GLI2: variants seen among roughly 807,000 people sequenced by gnomAD.
The protein encoded by GLI2 is transcription activator GLI2.
A neutral mutation model predicts 78.9 loss-of-function variants in GLI2; 22 were observed. The ratio of observed to expected loss-of-function variants is 0.28; its 90% CI spans 0.20 to 0.40. The LOEUF is 0.40. Among genes scored for constraint, GLI2 ranks in the 10% least tolerant of loss-of-function variants. GLI2 has a pLI of 1.00. For missense variants in GLI2, 2,097 were observed against 2,213.2 expected (o/e 0.95, Z 1.05); for synonymous variants, 974 against 963.7 (o/e 1.01, Z -0.20).
chr2:120,808,956 C>T (rs1475934729), intron 2 of GLI2, among the ~76,000 whole-genome samples: 1 of 152,180 alleles, frequency 6.6e-6, no homozygotes, highest in African/African-American at 2.4e-5. Flanking sequence ...TGCCTGGCCC[C>T]CTGGGTTTTC....
chr2:120,746,434 T>C (rs1394577978), intron 1 of GLI2, among the ~76,000 whole-genome samples: 3 of 152,186 alleles, frequency 2.0e-5, no homozygotes, highest in Admixed American at 6.5e-5. Flanking sequence ...GTAGAAGGCC[T>C]AAGAGAGGCC....
intron 2 of GLI2, among the ~76,000 whole-genome samples, chr2:120,821,222 C>G (rs189136824): frequency 6.6e-6 from 1 of 152,130 alleles, no homozygotes; most frequent in East Asian, 1.9e-4. Flanking sequence ...GGTGCAGATG[C>G]GCCAGGAGGG....
chr2:120,918,475 C>G (rs1375819019), intron 2 of GLI2, among the ~76,000 whole-genome samples: 1 of 145,126 alleles, frequency 6.9e-6, no homozygotes, highest in East Asian at 2.0e-4. Context: ...GAGCCTCTCT[C>G]TGTCTCCCAG....
intron 2 of GLI2, among the ~76,000 whole-genome samples, chr2:120,823,619 T>C (rs555700267): frequency 6.6e-6 from 1 of 152,306 alleles, no homozygotes; most frequent in East Asian, 1.9e-4. Context: ...TGGGGACATC[T>C]ATGGAATGCC....
At chr2:120,809,713 G>C (rs906279099) in intron 2 of GLI2, among the ~76,000 whole-genome samples, 1 of 152,146 alleles carries the variant, frequency 6.6e-6, no homozygotes, top group African/African-American at 2.4e-5. Context: ...TGCTTCCCCT[G>C]GCCAATGAGC....
At chr2:120,857,766 C>A (rs891636630) in intron 2 of GLI2, among the ~76,000 whole-genome samples, 3 of 148,030 alleles carry the variant, frequency 2.0e-5, no homozygotes, top group African/African-American at 7.4e-5. Context: ...GGGGATCAAC[C>A]CCCCCACCCC....
At chr2:120,809,962 G>A (rs1003778904) in intron 2 of GLI2, among the ~76,000 whole-genome samples, 2 of 152,200 alleles carry the variant, frequency 1.3e-5, no homozygotes, top group African/African-American at 4.8e-5. Context: ...AGTGGTGGGG[G>A]CTGCGGTCAG....
intron 4 of GLI2, among the ~76,000 whole-genome samples, chr2:120,954,866 G>A (rs1474454163): frequency 6.6e-6 from 1 of 152,182 alleles, no homozygotes; most frequent in Non-Finnish European, 1.5e-5. Context: ...GCGTGCCGCT[G>A]AAGTGCCTCT....
intron 2 of GLI2, among the ~76,000 whole-genome samples, chr2:120,856,251 G>A (rs1687639573): frequency 6.6e-6 from 1 of 152,216 alleles, no homozygotes; most frequent in African/African-American, 2.4e-5. Flanking sequence ...GGGAGTGAGG[G>A]CAGGGGGTGC....
chr2:120,950,123 C>T (rs1306337720), intron 3 of GLI2, among the ~76,000 whole-genome samples: 5 of 152,164 alleles, frequency 3.3e-5, no homozygotes, highest in African/African-American at 1.2e-4. Flanking sequence ...TTCATCCTCA[C>T]GACAACCCTA....
chr2:120,941,521 G>A (rs1680446762), intron 3 of GLI2, among the ~76,000 whole-genome samples: 1 of 152,166 alleles, frequency 6.6e-6, no homozygotes, highest in Admixed American at 6.5e-5. Flanking sequence ...GGAGGCCCTG[G>A]GAGAGCAGAC....
intron 1 of GLI2, among the ~76,000 whole-genome samples, chr2:120,757,269 G>T (rs572546800): frequency 3.3e-5 from 5 of 149,274 alleles, no homozygotes; most frequent in African/African-American, 4.9e-5. Context: ...CTAGATGCTA[G>T]AATATTGTAA....
At chr2:120,782,319 G>T (rs1321899726) in intron 1 of GLI2, among the ~76,000 whole-genome samples, 1 of 152,188 alleles carries the variant, frequency 6.6e-6, no homozygotes, top group Non-Finnish European at 1.5e-5. Context: ...GATAGCTGGA[G>T]TTCTGCTCTT....
rs370418338 is a variant in GLI2 at position 120,797,488 on chromosome 2, C to T, written c.148+20C>T. On this transcript the variant is annotated intron_variant, in intron 2 of 13. Coordinates refer to ENST00000361492, the MANE Select transcript of GLI2 (RefSeq NM_001374353.1). ...AAGGAGGTACTTTCTGTTTCGCACA[C>T]TTGGAGGGCAGCAGGGGTGTTTTTC... 2.9e-4 allele frequency: 459 copies of T among 1,610,332 alleles called. No homozygotes were observed. The highest frequency in any genetic ancestry group is 3.7e-4 in the Non-Finnish European group (434 of 1,177,000).
chr2:120,744,258 T>C (rs549103474), intron 1 of GLI2, among the ~76,000 whole-genome samples: 1 of 152,296 alleles, frequency 6.6e-6, no homozygotes, highest in Admixed American at 6.5e-5. Flanking sequence ...CAGCTGTGGG[T>C]TGTGCTGTCA....
intron 3 of GLI2, among the ~76,000 whole-genome samples, chr2:120,945,146 A>G (rs1680645117): frequency 6.6e-6 from 1 of 152,224 alleles, no homozygotes; most frequent in Non-Finnish European, 1.5e-5. Context: ...CTCCTGGGGC[A>G]AGGACCCAAT....
At chr2:120,944,790 G>C (rs1244907734) in intron 3 of GLI2, among the ~76,000 whole-genome samples, 1 of 152,242 alleles carries the variant, frequency 6.6e-6, no homozygotes. Flanking sequence ...CTGTAAAATG[G>C]AGATAATGAA....
At chr2:120,973,620 A>T (rs957103560) in intron 8 of GLI2, among the ~76,000 whole-genome samples, 2 of 152,150 alleles carry the variant, frequency 1.3e-5, no homozygotes, top group African/African-American at 4.8e-5. Flanking sequence ...CACTCTCCCC[A>T]TGGTCTCACC....
Position 120,971,983 on chromosome 2 carries a change from C to G in GLI2, c.1102C>G (p.Pro368Ala), listed in dbSNP as rs746061778. Residue 368 changes from proline to alanine, a missense_variant, in exon 8 of 14, where the codon CCT (proline) becomes GCT (alanine). Physicochemically the swap from Pro to Ala is conservative, Grantham distance 27. Transcript: ENST00000361492. The stretch of plus-strand genomic sequence containing the variant: ...GTCGGCCGTCAGCAGCACCGTCAAC[C>G]CTGTCGCCATTCACAAGCGCAGCAA... ...SESAVSSTVN[P>A]VAIHKRSKVK... The G allele has an allele frequency of 6.2e-7, 1 of 1,613,674 alleles. No individual in the cohort carries two copies. The highest frequency in any genetic ancestry group is 8.5e-7 in the Non-Finnish European group (1 of 1,179,844).
Sources: gnomAD v4.1 joint callset for allele counts (sites outside exome capture counted in the v4.1 genomes callset) on GRCh38, gnomAD v4.1.1 for gene constraint, MANE v1.5 for transcripts, NCBI Gene and HGNC (gene_info 2026-07-23, HGNC 2026-07-21) for gene names.